Variants in KDM2B observed in about 807,000 individuals in gnomAD.
KDM2B encodes lysine-specific demethylase 2B.
A neutral mutation model predicts 150.0 loss-of-function variants in KDM2B; 26 were observed. The ratio of observed to expected loss-of-function variants is 0.17; its 90% confidence interval spans 0.13 to 0.24. The LOEUF (loss-of-function observed/expected upper bound fraction) is 0.24. Ranked by LOEUF, KDM2B falls within the 10% of genes least tolerant of loss-of-function variation. KDM2B has a pLI of 1.00. For missense variants in KDM2B, 1,265 were observed against 1,816.9 expected, an observed-to-expected ratio of 0.70 and a Z score of 5.52; for synonymous variants, 734 against 729.5, an observed-to-expected ratio of 1.01 and a Z score of -0.10.
intron 6 of KDM2B, among the ~76,000 whole-genome samples, chr12:121,546,167 C>G (rs1889022465): frequency 6.6e-6 from 1 of 152,088 alleles, no homozygotes; most frequent in African/African-American, 2.4e-5. Context: ...TTCTGGTTTC[C>G]TCCCCACTGT....
intron 12 of KDM2B, among the ~76,000 whole-genome samples, chr12:121,482,640 C>T (rs782267751): frequency 9.9e-5 from 15 of 152,042 alleles, no homozygotes; most frequent in African/African-American, 2.4e-5. Flanking sequence ...TAACATCTGG[C>T]GGGGACTGGG....
chr12:121,539,744 T>C (rs782566475), intron 6 of KDM2B, among the ~76,000 whole-genome samples: 15 of 151,980 alleles, frequency 9.9e-5, no homozygotes, highest in Admixed American at 5.9e-4. Flanking sequence ...TGTTTGTTTG[T>C]CTGTTTGTTT....
chr12:121,416,656 A>G, the KDM2B span: 2 of 288,192 alleles, frequency 6.9e-6, no homozygotes, highest in African/African-American at 4.5e-5. Flanking sequence ...AAAGCAAGAA[A>G]TTTGTTAGTC....
At chr12:121,479,782 C>T (rs1881880854) in intron 12 of KDM2B, among the ~76,000 whole-genome samples, 1 of 151,034 alleles carries the variant, frequency 6.6e-6, no homozygotes, top group Non-Finnish European at 1.5e-5. Context: ...CCACCACACC[C>T]AGCTAATTTT....
chr12:121,430,091 A>G lies in KDM2B; in HGVS notation c.*197T>C. 6.3e-7 allele frequency: 1 copy of G among 1,589,950 alleles called. No individual in the cohort carries two copies. The highest frequency in any genetic ancestry group is 8.6e-7 in the Non-Finnish European group (1 of 1,157,960). ...CCAGAAAGCAGTGCAGTTACGATTC[A>G]GAAAGACCAAAGGAAAGTGTCGGCT... On this transcript the variant is annotated 3_prime_UTR_variant, in exon 23 of 23. Transcript: ENST00000377071. The surrounding 1 kb of genome is among the most constrained non-coding windows in gnomAD (Gnocchi z 4.4).
chr12:121,443,694 A>G lies in KDM2B; in HGVS notation c.2551T>C (p.Tyr851His). 6.2e-7 allele frequency: 1 copy of G among 1,609,878 alleles called. No homozygotes were observed. The highest frequency in any genetic ancestry group is 8.5e-7 in the Non-Finnish European group (1 of 1,178,152). Residue 851 changes from tyrosine (Y) to histidine (H), a missense_variant, in exon 17 of 23, where the codon TAC becomes CAC. Physicochemically the swap from Tyr to His is moderately conservative, Grantham distance 83. This residue lies in a region of KDM2B where 418 missense variants were observed against 402.4 expected (regional missense o/e 1.04). Coordinates refer to ENST00000377071, the MANE Select transcript of KDM2B (RefSeq NM_032590.5). Reference protein sequence around the residue: ...LSPWWRSSLTYFQQQLKPGKE... With the variant: ...LSPWWRSSLTHFQQQLKPGKE... ...CGTGGGAGCACCTGCTGCTGGAAGTAAGTGAGACTGGATCTCCACCAGGGG... is the reference window on the plus strand; with the variant it reads ...CGTGGGAGCACCTGCTGCTGGAAGTGAGTGAGACTGGATCTCCACCAGGGG...
chr12:121,532,530 T>C (rs563873665), intron 8 of KDM2B, among the ~76,000 whole-genome samples: 1 of 151,930 alleles, frequency 6.6e-6, no homozygotes, highest in East Asian at 1.9e-4. Context: ...ACACACAATC[T>C]CCACAGGAAG....
chr12:121,561,173 G>A (rs1416803640), intron 4 of KDM2B, among the ~76,000 whole-genome samples: 2 of 152,144 alleles, frequency 1.3e-5, no homozygotes, highest in African/African-American at 4.8e-5. Context: ...CGTCAGCTCC[G>A]AAAGCCTCGG....
intron 12 of KDM2B, among the ~76,000 whole-genome samples, chr12:121,459,624 A>T (rs1878812016): frequency 1.3e-5 from 2 of 152,300 alleles, no homozygotes; most frequent in South Asian, 4.1e-4. Context: ...TGAGGTTGGG[A>T]GTTGGAGACC....
At position 121,549,023 on chromosome 12, in the gene KDM2B, G is replaced by A; in HGVS notation, c.577-40C>T. Reference sequence around the variant, plus strand: ...AGTGTGAGCACTGCATTTCTCCACTGCCGAGCCAGACACAAATACCCCTTT... The same window carrying A: ...AGTGTGAGCACTGCATTTCTCCACTACCGAGCCAGACACAAATACCCCTTT... On this transcript the variant is annotated intron_variant, in intron 5 of 22. Coordinates refer to ENST00000377071, the MANE Select transcript of KDM2B (RefSeq NM_032590.5). This position sits in a 1 kb window ranked among gnomAD's most constrained non-coding sequence, Gnocchi z 4.4. The A allele has an allele frequency of 1.3e-6, 2 of 1,525,390 alleles. No individual in the cohort carries two copies. The highest frequency in any genetic ancestry group is 1.8e-6 in the Non-Finnish European group (2 of 1,099,980). 94.5% of individuals were successfully genotyped at this position (1,525,390 alleles called of 1,614,324 possible).
intron 4 of KDM2B, among the ~76,000 whole-genome samples, chr12:121,566,747 G>A (rs1555315019): frequency 6.6e-6 from 1 of 152,092 alleles, no homozygotes; most frequent in African/African-American, 2.4e-5. Flanking sequence ...AGTGAGCCAA[G>A]ATCATGCCAC....
intron 6 of KDM2B, among the ~76,000 whole-genome samples, chr12:121,538,648 G>T (rs1888361946): frequency 6.6e-6 from 1 of 152,112 alleles, no homozygotes; most frequent in African/African-American, 2.4e-5. Context: ...GTGGTACCTG[G>T]ATTACTTAAT....
rs1474874199 is a variant in KDM2B at position 121,533,793 on chromosome 12, C to T, written c.777+704G>A. On this transcript the variant is annotated intron_variant, in intron 7 of 22. Coordinates refer to ENST00000377071, the MANE Select transcript of KDM2B (RefSeq NM_032590.5). This position sits in a 1 kb window ranked among gnomAD's most constrained non-coding sequence, Gnocchi z 4.1. Reference sequence around the variant, plus strand: ...AAAGGGCTGAACTTGACCTTGCCCTCCAGAAGGAGGAGGTGGTTCTAGGGA... The same window carrying T: ...AAAGGGCTGAACTTGACCTTGCCCTTCAGAAGGAGGAGGTGGTTCTAGGGA... Among the ~76,000 whole-genome samples, 2 of 152,156 alleles carry T rather than the reference C, an allele frequency of 1.3e-5. No individual in the cohort carries two copies. The highest frequency in any genetic ancestry group is 4.8e-5 in the African/African-American group (2 of 41,432).
intron 12 of KDM2B, among the ~76,000 whole-genome samples, chr12:121,493,247 A>G (rs1263456328): frequency 1.3e-5 from 2 of 151,850 alleles, no homozygotes; most frequent in African/African-American, 2.4e-5. Flanking sequence ...CCCCAAAAAA[A>G]TCAGAAATTA....
intron 4 of KDM2B, among the ~76,000 whole-genome samples, chr12:121,559,507 G>A (rs547397290): frequency 3.3e-5 from 5 of 152,304 alleles, no homozygotes; most frequent in South Asian, 2.1e-4. Flanking sequence ...AAACACAGAC[G>A]TGACAGAACA....
At chr12:121,526,226 G>A (rs1030357662) in intron 8 of KDM2B, among the ~76,000 whole-genome samples, 4 of 152,010 alleles carry the variant, frequency 2.6e-5, no homozygotes, top group Admixed American at 1.3e-4. Flanking sequence ...GGTGGCACAC[G>A]CCTGTAATCC....
Position 121,452,255 on chromosome 12 carries a change from G to A in KDM2B, c.1959+865C>T, listed in dbSNP as rs1229740684. Among the ~76,000 whole-genome samples, 2 of 152,208 alleles carry A rather than the reference G, an allele frequency of 1.3e-5. No individual in the cohort carries two copies. The highest frequency in any genetic ancestry group is 4.8e-5 in the African/African-American group (2 of 41,446). On this transcript the variant is annotated intron_variant, in intron 13 of 22. Transcript: ENST00000377071. This position sits in a 1 kb window ranked among gnomAD's most constrained non-coding sequence, Gnocchi z 4.4. ...AAAACGTGCATATGGTAATACTACT[G>A]TACTGCATACTTAAAAATGATTAAT...
At chr12:121,574,885 G>C (rs782753118) in intron 3 of KDM2B, among the ~76,000 whole-genome samples, 1 of 152,180 alleles carries the variant, frequency 6.6e-6, no homozygotes, top group African/African-American at 2.4e-5. Context: ...TGGAAGTGTG[G>C]GGTCAAAGGT....
chr12:121,423,683 CATT>C, the KDM2B span: 14 of 974,866 alleles, frequency 1.4e-5, no homozygotes, highest in East Asian at 3.5e-4. This position sits in a 1 kb window ranked among gnomAD's most constrained non-coding sequence, Gnocchi z 4.3. Context: ...TATTTTAAAA[CATT>C]ATTTTGACTA....
Sources: gnomAD v4.1 joint callset for allele counts (sites outside exome capture counted in the v4.1 genomes callset) on GRCh38, gnomAD v4.1.1 for gene constraint, gnomAD v4.1.1 regional missense constraint, Gnocchi (gnomAD v3.1) non-coding constraint, MANE v1.5 for transcripts, NCBI Gene and HGNC (gene_info 2026-07-23, HGNC 2026-07-21) for gene names.